Variants in PAN3 observed in about 807,000 individuals in gnomAD.
PAN3 encodes PAN2-PAN3 deadenylation complex subunit PAN3.
In PAN3, 19 loss-of-function variants were observed where a neutral mutation model predicts 96.2. The observed-to-expected ratio is 0.20, with a 90% CI of 0.14 to 0.29. The LOEUF (loss-of-function observed/expected upper bound fraction) is 0.29, where lower values mean the gene tolerates loss of function less well. PAN3 is among the 10% of genes least tolerant of loss of function. The pLI, the probability that PAN3 is intolerant of heterozygous loss-of-function variation, is 1.00. For synonymous variants in PAN3, 433 were observed against 406.6 expected (o/e 1.06, Z -0.78); for missense variants, 882 against 1,108.1 (o/e 0.80, Z 2.90).
intron 5 of PAN3, among the ~76,000 whole-genome samples, chr13:28,210,768 T>C (rs1402335796): frequency 6.6e-6 from 1 of 152,190 alleles, no homozygotes; most frequent in East Asian, 1.9e-4. Context: ...AAAAACCTTA[T>C]GTGAACCTGG....
At chr13:28,288,506 G>A (rs1417289659) in intron 18 of PAN3, among the ~76,000 whole-genome samples, 1 of 152,094 alleles carries the variant, frequency 6.6e-6, no homozygotes, top group East Asian at 1.9e-4. Context: ...TGGCCAGGCT[G>A]GTCTCGAACT....
chr13:28,138,421 A>C, upstream of PAN3: 1 of 264,074 alleles, frequency 3.8e-6, no homozygotes, highest in Non-Finnish European at 7.1e-6. Context: ...AGAAAAGAGA[A>C]CGAGAGAGTG....
chr13:28,270,870 C>A lies in PAN3; in HGVS notation c.1958+4C>A. ...TTCTGATAACTGGCAAAACAAGGTACTAGCATTTTGAGTTTTGGTTTCTTT... is the reference window on the plus strand; with the variant it reads ...TTCTGATAACTGGCAAAACAAGGTAATAGCATTTTGAGTTTTGGTTTCTTT... On this transcript the variant is annotated splice_donor_region_variant and intron_variant, in intron 13 of 18. Coordinates refer to ENST00000380958, the MANE Select transcript of PAN3 (RefSeq NM_175854.8). 1.2e-6 allele frequency: 2 copies of A among 1,612,158 alleles called. No homozygotes were observed. Among genetic ancestry groups the A allele is most frequent in the Non-Finnish European group, 1.7e-6 (2 of 1,178,756 alleles).
At chr13:28,204,849 A>T (rs1000722842) in intron 5 of PAN3, among the ~76,000 whole-genome samples, 1 of 152,202 alleles carries the variant, frequency 6.6e-6, no homozygotes, top group African/African-American at 2.4e-5. Context: ...ATCATAAGTT[A>T]TAATATTACT....
intron 6 of PAN3, chr13:28,232,475 G>GT (rs1882678246): frequency 6.7e-6 from 1 of 150,216 alleles, no homozygotes; most frequent in Non-Finnish European, 1.5e-5. Flanking sequence ...TAGCTTCAAC[G>GT]TAAAAAAAAA....
At chr13:28,187,219 T>G (rs1302700130) in intron 4 of PAN3, among the ~76,000 whole-genome samples, 1 of 151,948 alleles carries the variant, frequency 6.6e-6, no homozygotes, top group East Asian at 1.9e-4. Flanking sequence ...CCCAGCTACT[T>G]GGGAGACTGA....
At chr13:28,277,625 G>C (rs1194966725) in intron 15 of PAN3, among the ~76,000 whole-genome samples, 1 of 152,048 alleles carries the variant, frequency 6.6e-6, no homozygotes, top group Non-Finnish European at 1.5e-5. Context: ...GTATCCACTA[G>C]CTACATGTGA....
intron 1 of PAN3, among the ~76,000 whole-genome samples, chr13:28,148,058 C>T (rs902659241): frequency 2.6e-5 from 4 of 152,000 alleles, no homozygotes; most frequent in Admixed American, 6.6e-5. Context: ...TGGGCTCAAG[C>T]GATTCTTCTG....
intron 15 of PAN3, among the ~76,000 whole-genome samples, chr13:28,277,595 C>T (rs1370900192): frequency 1.3e-5 from 2 of 152,168 alleles, no homozygotes; most frequent in African/African-American, 2.4e-5. Context: ...GGTTAAAGGG[C>T]ACCCAGTAGA....
intron 6 of PAN3, among the ~76,000 whole-genome samples, chr13:28,243,757 C>T (rs1246285371): frequency 3.3e-5 from 5 of 152,186 alleles, no homozygotes; most frequent in Non-Finnish European, 5.9e-5. Context: ...GGCATGATCT[C>T]GGCTCCCTGT....
intron 8 of PAN3, among the ~76,000 whole-genome samples, chr13:28,261,192 C>T (rs764703728): frequency 2.0e-4 from 31 of 152,020 alleles, no homozygotes; most frequent in Non-Finnish European, 4.1e-4. Flanking sequence ...TCTACTTAAA[C>T]CCAATCTTAA....
intron 1 of PAN3, among the ~76,000 whole-genome samples, chr13:28,172,472 AGTCTTT>A (rs1260088618): frequency 6.6e-6 from 1 of 152,082 alleles, no homozygotes; most frequent in Non-Finnish European, 1.5e-5. Context: ...AAAATTATTT[AGTCTTT>A]ATTATCATTT....
intron 6 of PAN3, among the ~76,000 whole-genome samples, chr13:28,242,496 C>T (rs188305445): frequency 2.0e-5 from 3 of 152,266 alleles, no homozygotes; most frequent in Admixed American, 2.0e-4. Flanking sequence ...AATTGAATCA[C>T]ATGTGGTATT....
intron 14 of PAN3, among the ~76,000 whole-genome samples, chr13:28,274,023 G>T (rs1206998462): frequency 2.0e-5 from 3 of 152,136 alleles, no homozygotes; most frequent in African/African-American, 4.8e-5. Flanking sequence ...CCAAAGACTT[G>T]CAGGCACTCA....
chr13:28,243,487 T>C (rs944074820), intron 6 of PAN3, among the ~76,000 whole-genome samples: 2 of 152,228 alleles, frequency 1.3e-5, no homozygotes, highest in Admixed American at 6.5e-5. Flanking sequence ...TTGAATTACT[T>C]GCCATTATCA....
chr13:28,252,010 C>T (rs1884773254), intron 6 of PAN3, among the ~76,000 whole-genome samples: 1 of 151,982 alleles, frequency 6.6e-6, no homozygotes, highest in Non-Finnish European at 1.5e-5. Flanking sequence ...GCCTCAGCCT[C>T]CTGAGCAGCT....
At chr13:28,188,683 A>C (rs778502880) in intron 4 of PAN3, among the ~76,000 whole-genome samples, 25 of 152,260 alleles carry the variant, frequency 1.6e-4, no homozygotes, top group Non-Finnish European at 3.4e-4. Context: ...TGATGTTCAA[A>C]GGAGGTTTTT....
intron 7 of PAN3, among the ~76,000 whole-genome samples, chr13:28,259,306 T>G (rs1327888372): frequency 2.6e-5 from 4 of 151,404 alleles, no homozygotes; most frequent in East Asian, 3.9e-4. Flanking sequence ...TTGTGTTTTT[T>G]TTGTTGTTTT....
chr13:28,271,470 T>G (rs1478526238), intron 13 of PAN3, among the ~76,000 whole-genome samples: 2 of 152,230 alleles, frequency 1.3e-5, no homozygotes, highest in Non-Finnish European at 2.9e-5. Context: ...GATAGTTTAC[T>G]GTCGATATGC....
Sources: gnomAD v4.1 joint callset for allele counts (sites outside exome capture counted in the v4.1 genomes callset) on GRCh38, gnomAD v4.1.1 for gene constraint, MANE v1.5 for transcripts, NCBI Gene and HGNC (gene_info 2026-07-23, HGNC 2026-07-21) for gene names.